UXS1: variants seen among roughly 807,000 people sequenced by gnomAD.
UXS1 encodes the protein UDP-glucuronic acid decarboxylase 1.
In UXS1, 33 loss-of-function variants were observed where a neutral mutation model predicts 62.6. The observed-to-expected ratio is 0.53, with a 90% CI of 0.40 to 0.70. The LOEUF (loss-of-function observed/expected upper bound fraction) is 0.70. Ranked by LOEUF, UXS1 falls within the 30% of genes least tolerant of loss-of-function variation. The pLI is 0.00. For synonymous variants in UXS1, 213 were observed against 206.8 expected (o/e 1.03, Z -0.26); for missense variants, 434 against 556.3 (o/e 0.78, Z 2.21).
intron 5 of UXS1, among the ~76,000 whole-genome samples, chr2:106,157,326 G>A (rs1296119278): frequency 2.6e-5 from 4 of 152,156 alleles, no homozygotes; most frequent in Non-Finnish European, 4.4e-5. Flanking sequence ...TTACCTAATA[G>A]TTAAAAGGGT....
intron 9 of UXS1, among the ~76,000 whole-genome samples, chr2:106,115,006 C>T (rs1450963393): frequency 6.6e-6 from 1 of 152,128 alleles, no homozygotes; most frequent in Non-Finnish European, 1.5e-5. Context: ...TTGGCCTTCA[C>T]ACAAAGGCGA....
chr2:106,155,972 C>G (rs893764376), intron 5 of UXS1, among the ~76,000 whole-genome samples: 8 of 152,068 alleles, frequency 5.3e-5, no homozygotes, highest in African/African-American at 1.9e-4. Context: ...CATGGTAAAT[C>G]TTTGTGCCCT....
intron 11 of UXS1, among the ~76,000 whole-genome samples, chr2:106,103,317 A>C (rs184600521): frequency 6.6e-6 from 1 of 152,206 alleles, no homozygotes; most frequent in Non-Finnish European, 1.5e-5. Context: ...TTACCGCACA[A>C]CATCTCATTG....
intron 6 of UXS1, among the ~76,000 whole-genome samples, chr2:106,137,809 A>G (rs1680780715): frequency 6.6e-6 from 1 of 152,000 alleles, no homozygotes; most frequent in South Asian, 2.1e-4. Context: ...AAAATAAATA[A>G]AATTTAAAAA....
intron 1 of UXS1, among the ~76,000 whole-genome samples, chr2:106,185,354 C>A (rs905894236): frequency 6.6e-6 from 1 of 152,210 alleles, no homozygotes; most frequent in Non-Finnish European, 1.5e-5. Context: ...AAGTCTTAAA[C>A]CCTGTTTCTA....
chr2:106,147,266 T>C (rs1340573213), intron 5 of UXS1, among the ~76,000 whole-genome samples: 1 of 152,150 alleles, frequency 6.6e-6, no homozygotes, highest in Non-Finnish European at 1.5e-5. Flanking sequence ...CATGCCTCAC[T>C]ATACTTTCTC....
chr2:106,124,730 G>A (rs1679787267), intron 8 of UXS1, among the ~76,000 whole-genome samples: 1 of 152,116 alleles, frequency 6.6e-6, no homozygotes, highest in South Asian at 2.1e-4. Flanking sequence ...GACACACTCT[G>A]CTCTTTTATT....
At chr2:106,165,937 A>T in intron 2 of UXS1, 119 bp downstream of exon 2, 1 of 937,046 alleles carries the variant, frequency 1.1e-6, no homozygotes, top group South Asian at 2.1e-5. Flanking sequence ...AATAGCAAGA[A>T]CCCACTTTTG....
intron 1 of UXS1, among the ~76,000 whole-genome samples, chr2:106,193,299 A>T (rs1685049725): frequency 6.6e-6 from 1 of 152,114 alleles, no homozygotes; most frequent in Admixed American, 6.5e-5. Context: ...ACTGGGAGCT[A>T]TTTCTAGTCC....
intron 1 of UXS1, among the ~76,000 whole-genome samples, chr2:106,171,055 C>A (rs1329714487): frequency 6.6e-6 from 1 of 152,142 alleles, no homozygotes; most frequent in African/African-American, 2.4e-5. Context: ...TCTTACACAG[C>A]TTTCAAGATA....
intron 9 of UXS1, among the ~76,000 whole-genome samples, chr2:106,116,886 C>T (rs1679100203): frequency 6.6e-6 from 1 of 152,172 alleles, no homozygotes; most frequent in Non-Finnish European, 1.5e-5. Flanking sequence ...TTATGTCTGA[C>T]CTTGCCCTGC....
chr2:106,121,700 C>T (rs1338753484), intron 9 of UXS1, among the ~76,000 whole-genome samples: 2 of 152,180 alleles, frequency 1.3e-5, no homozygotes, highest in African/African-American at 2.4e-5. Context: ...ACTAAAGTCG[C>T]TTAGAAGGCA....
At chr2:106,129,589 CTAG>C in intron 7 of UXS1, 82 bp downstream of exon 7, 2 of 1,157,690 alleles carry the variant, frequency 1.7e-6, no homozygotes, top group African/African-American at 1.5e-5. Flanking sequence ...AGATCAAACT[CTAG>C]TAGAAGATTC....
At chr2:106,174,634 T>A (rs142495624) in intron 1 of UXS1, among the ~76,000 whole-genome samples, 1 of 152,068 alleles carries the variant, frequency 6.6e-6, no homozygotes, top group Non-Finnish European at 1.5e-5. Context: ...GGGGCGCACG[T>A]AGTGAGAGGC....
intron 9 of UXS1, among the ~76,000 whole-genome samples, chr2:106,115,878 T>C (rs559516402): frequency 6.6e-5 from 10 of 152,322 alleles, no homozygotes; most frequent in African/African-American, 2.2e-4. Flanking sequence ...CTGATGACAC[T>C]AATTTACTTT....
intron 1 of UXS1, among the ~76,000 whole-genome samples, chr2:106,168,832 G>C (rs1048955377): frequency 1.7e-4 from 26 of 152,154 alleles, no homozygotes; most frequent in African/African-American, 5.8e-4. Context: ...AGTTATGACA[G>C]TACCAGACGA....
rs143587887 is a variant in UXS1, at chr2:106,094,735, G to A, written c.1147-578C>T. Among the ~76,000 whole-genome samples, 736 of 152,306 alleles carry A rather than the reference G, an allele frequency of 4.8e-3. 4 individuals carry two copies. Among genetic ancestry groups the A allele is most frequent in the Non-Finnish European group, 8.6e-3 (583 of 68,036 alleles). ...CAGAAAGCAACCTTCATCTGAAGCT[G>A]CTTTGCAGCCAACAGGAAACCAGCC... On this transcript the variant is annotated intron_variant, in intron 14 of 14. Transcript: ENST00000283148.
In UXS1 at chr2:106,168,035, C is replaced by A. The variant is rs547560515; in HGVS notation, c.95-1952G>T. Reference sequence around the variant, plus strand: ...AATTAGCTGGGCATGGTGGCGCATGCCTGTAATCCCAGCTACTTGGGAGGC... The same window carrying A: ...AATTAGCTGGGCATGGTGGCGCATGACTGTAATCCCAGCTACTTGGGAGGC... On this transcript the variant is annotated intron_variant, in intron 1 of 14. Transcript: ENST00000283148. Among the ~76,000 whole-genome samples, 4 of 152,294 alleles carry A rather than the reference C, an allele frequency of 2.6e-5. No individual in the cohort carries two copies. The South Asian group carries it at 6.2e-4, about 24-fold the overall frequency.
At chr2:106,097,457 C>G (rs1176791933) in intron 13 of UXS1, 4 of 346,450 alleles carry the variant, frequency 1.2e-5, no homozygotes, top group East Asian at 7.5e-5. Flanking sequence ...GTCATGGAGG[C>G]CACATTGCAG....
Sources: gnomAD v4.1 joint callset for allele counts (sites outside exome capture counted in the v4.1 genomes callset) on GRCh38, gnomAD v4.1.1 for gene constraint, MANE v1.5 for transcripts, NCBI Gene and HGNC (gene_info 2026-07-23, HGNC 2026-07-21) for gene names.